Variants in IL1RAPL1 observed in about 807,000 individuals in gnomAD.
IL1RAPL1 encodes the protein interleukin-1 receptor accessory protein-like 1.
A neutral mutation model predicts 48.4 loss-of-function variants in IL1RAPL1; 3 were observed. That is an observed-to-expected ratio of 0.06 (90% CI 0.03 to 0.16). The LOEUF is 0.16. IL1RAPL1 is among the 10% of genes least tolerant of loss of function. IL1RAPL1 has a pLI of 1.00. For missense variants in IL1RAPL1, 349 were observed against 530.6 expected (o/e 0.66, Z 3.36); for synonymous variants, 185 against 187.7 (o/e 0.99, Z 0.12).
At chrX:28,956,521 A>G (rs1482148306) in intron 2 of IL1RAPL1, among the ~76,000 whole-genome samples, 1 of 107,937 alleles carries the variant, frequency 9.3e-6, no homozygotes. Context: ...TGAGATAATC[A>G]TGTGGTTTTT....
intron 6 of IL1RAPL1, among the ~76,000 whole-genome samples, chrX:29,802,773 A>ATATT (rs1555922089): frequency 3.4e-5 from 1 of 29,281 alleles, no homozygotes; most frequent in Non-Finnish European, 5.5e-5. Flanking sequence ...ATATATATAT[A>ATATT]TATATATATG....
intron 5 of IL1RAPL1, among the ~76,000 whole-genome samples, chrX:29,452,248 A>G (rs746063732): frequency 1.8e-5 from 2 of 112,130 alleles, no homozygotes; most frequent in Non-Finnish European, 3.8e-5. Flanking sequence ...TGGCTAACTT[A>G]TCTGATTCTT....
rs1427200755 is a variant in IL1RAPL1 at position 28,694,810 on chromosome X, A to T, written c.-24-94510A>T. 4.5e-5 allele frequency among the ~76,000 whole-genome samples: 5 copies of T among 111,297 alleles called. 1 individual carries two copies. The Admixed American group carries it at 4.8e-4, about 11-fold the overall frequency. On this transcript the variant is annotated intron_variant, in intron 1 of 10. Transcript: ENST00000378993. ...GCTGGCTAGGAGGATAAAGGCAACA[A>T]ACTTTCTGACTGATCCTGGATTTTC...
At position 28,730,796 on chromosome X, in the gene IL1RAPL1, T is replaced by C. The variant is rs1935745408; in HGVS notation, c.-24-58524T>C. Among the ~76,000 whole-genome samples the C allele has an allele frequency of 2.7e-5, 3 of 111,924 alleles. No individual in the cohort carries two copies. The South Asian group carries it at 1.1e-3, about 41-fold the overall frequency. Reference sequence around the variant, plus strand: ...ATATGGACTTTGAAACCATGTTCATTTAATGCCTATGACCAATAGTTTTAA... The same window carrying C: ...ATATGGACTTTGAAACCATGTTCATCTAATGCCTATGACCAATAGTTTTAA... On this transcript the variant is annotated intron_variant, in intron 1 of 10. Transcript: ENST00000378993.
chrX:29,519,107 G>A (rs1378048130), intron 5 of IL1RAPL1, among the ~76,000 whole-genome samples: 2 of 111,458 alleles, frequency 1.8e-5, no homozygotes, highest in Non-Finnish European at 3.8e-5. Context: ...CTAGAAGGAT[G>A]AAGTTGGCAT....
At chrX:29,601,752 C>T (rs1228554240) in intron 5 of IL1RAPL1, among the ~76,000 whole-genome samples, 2 of 111,610 alleles carry the variant, frequency 1.8e-5, no homozygotes, top group Non-Finnish European at 3.8e-5. Flanking sequence ...ACTTTTGTTC[C>T]AGAATAAGAA....
chrX:29,308,409 G>C, intron 3 of IL1RAPL1, among the ~76,000 whole-genome samples: 1 of 111,637 alleles, frequency 9.0e-6, no homozygotes, highest in Non-Finnish European at 1.9e-5. Flanking sequence ...CAGTGGAATA[G>C]AATATTCAGA....
intron 2 of IL1RAPL1, among the ~76,000 whole-genome samples, chrX:28,962,049 T>G (rs1294097202): frequency 1.8e-5 from 2 of 111,829 alleles, no homozygotes; most frequent in African/African-American, 6.5e-5. Flanking sequence ...ATTTTAGCCC[T>G]TAAGACATAG....
At chrX:28,735,152 C>T (rs1050394965) in intron 1 of IL1RAPL1, among the ~76,000 whole-genome samples, 2 of 111,841 alleles carry the variant, frequency 1.8e-5, no homozygotes, top group Admixed American at 9.5e-5. Context: ...TGGTATAGCA[C>T]TTATTTTTCT....
intron 6 of IL1RAPL1, among the ~76,000 whole-genome samples, chrX:29,673,762 C>A (rs1249817522): frequency 1.8e-5 from 2 of 111,617 alleles, no homozygotes; most frequent in African/African-American, 6.5e-5. Flanking sequence ...CTATGGCATT[C>A]AATTCTACTC....
intron 3 of IL1RAPL1, among the ~76,000 whole-genome samples, chrX:29,388,519 A>G (rs1933814052): frequency 8.9e-6 from 1 of 112,428 alleles, no homozygotes; most frequent in South Asian, 3.7e-4. Flanking sequence ...AAATGTGAAA[A>G]CAAACCCAAA....
At chrX:28,866,401 A>G (rs1180780840) in intron 2 of IL1RAPL1, among the ~76,000 whole-genome samples, 1 of 111,444 alleles carries the variant, frequency 9.0e-6, no homozygotes, top group Non-Finnish European at 1.9e-5. Context: ...GAGGTAAAGG[A>G]CAAAAGGCTA....
chrX:29,261,334 A>C (rs1931855895), intron 2 of IL1RAPL1, among the ~76,000 whole-genome samples: 1 of 111,595 alleles, frequency 9.0e-6, no homozygotes, highest in South Asian at 3.7e-4. Flanking sequence ...GCAAAAAATA[A>C]TAATAACCCT....
At chrX:29,640,542 T>C (rs1925133886) in intron 5 of IL1RAPL1, among the ~76,000 whole-genome samples, 1 of 112,091 alleles carries the variant, frequency 8.9e-6, no homozygotes, top group South Asian at 3.8e-4. Context: ...TCCACCCATA[T>C]ATGACCCAAC....
intron 9 of IL1RAPL1, among the ~76,000 whole-genome samples, chrX:29,949,216 GTTC>G (rs1456808759): frequency 2.7e-5 from 3 of 111,649 alleles, no homozygotes; most frequent in Non-Finnish European, 3.8e-5. Context: ...TTCATCAAGA[GTTC>G]TTAATATTTT....
chrX:28,902,707 C>T lies in IL1RAPL1; in HGVS notation c.82+113282C>T, dbSNP rs576096139. Among the ~76,000 whole-genome samples the T allele has an allele frequency of 2.2e-4, 25 of 111,604 alleles. No individual in the cohort carries two copies. The South Asian group carries it at 7.9e-3, about 35-fold the overall frequency. On this transcript the variant is annotated intron_variant, in intron 2 of 10. Transcript: ENST00000378993. ...TACTCATGGCTTAACTCAGAGGTCC[C>T]CAAACGTCGGGCCACAGACCAGTAC...
At chrX:29,740,130 A>G (rs780191356) in intron 6 of IL1RAPL1, among the ~76,000 whole-genome samples, 1 of 107,486 alleles carries the variant, frequency 9.3e-6, no homozygotes, top group Admixed American at 1.0e-4. Context: ...CAGAAAAAAA[A>G]AAAAAAAAAA....
intron 6 of IL1RAPL1, among the ~76,000 whole-genome samples, chrX:29,777,746 G>A (rs1325738023): frequency 9.0e-6 from 1 of 110,517 alleles, no homozygotes; most frequent in Non-Finnish European, 1.9e-5. Flanking sequence ...ACATCCTAAT[G>A]AGAGTTAGGT....
At chrX:29,742,625 C>T (rs887487422) in intron 6 of IL1RAPL1, among the ~76,000 whole-genome samples, 1 of 111,245 alleles carries the variant, frequency 9.0e-6, no homozygotes, top group Non-Finnish European at 1.9e-5. Context: ...AATACAATAG[C>T]TTTCTATAAA....
Sources: allele counts gnomAD v4.1 joint callset (sites outside exome capture counted in the v4.1 genomes callset), GRCh38; gene constraint gnomAD v4.1.1; transcripts MANE v1.5; gene names NCBI Gene and HGNC (gene_info 2026-07-23, HGNC 2026-07-21).